The following PCDHA7 variants were observed in gnomAD, a reference collection of about 807,000 sequenced individuals.
The protein encoded by PCDHA7 is protocadherin alpha 7.
A neutral mutation model predicts 57.2 loss-of-function variants in PCDHA7; 37 were observed. The ratio of observed to expected loss-of-function variants is 0.65; its 90% CI spans 0.50 to 0.85. PCDHA7 has a LOEUF of 0.85. Ranked by LOEUF, PCDHA7 falls within the 40% of genes least tolerant of loss-of-function variation. The pLI is 0.00. For missense variants in PCDHA7, 1,188 were observed against 1,241.8 expected (o/e 0.96, Z 0.65); for synonymous variants, 553 against 558.8 (o/e 0.99, Z 0.15).
intron 1 of PCDHA7, chr5:140,883,326 C>T (rs374138267): frequency 3.1e-6 from 5 of 1,614,044 alleles, no homozygotes; most frequent in Admixed American, 1.7e-5. Flanking sequence ...GTTACCATCA[C>T]TTCTTTGTCA....
At position 140,885,285 on chromosome 5, in the gene PCDHA7, T is replaced by G. The variant is rs146462007; in HGVS notation, c.2355+48547T>G. On this transcript the variant is annotated intron_variant, in intron 1 of 3. Transcript: ENST00000525929. ...ACTCATACATATATATATACATATA[T>G]AGAGAGAGACCTGGTAGGCTTTTTG... 7.5e-4 allele frequency among the ~76,000 whole-genome samples: 114 copies of G among 152,298 alleles called. No individual in the cohort carries two copies. In the East Asian group the frequency reaches 9.8e-3, roughly 13 times the overall value.
At chr5:140,850,307 C>T (rs2150478733) in intron 1 of PCDHA7, 1 of 1,597,050 alleles carries the variant, frequency 6.3e-7, no homozygotes, top group Non-Finnish European at 8.6e-7. Flanking sequence ...CGGGCTACAA[C>T]GCGTGGCTTT....
intron 1 of PCDHA7, among the ~76,000 whole-genome samples, chr5:140,844,826 C>T (rs1554140734): frequency 6.7e-6 from 1 of 149,170 alleles, no homozygotes; most frequent in East Asian, 1.9e-4. Context: ...TGTCTTTTTA[C>T]ACGTTTGCTT....
chr5:140,916,579 T>C (rs1013124807), intron 1 of PCDHA7, among the ~76,000 whole-genome samples: 14 of 152,176 alleles, frequency 9.2e-5, no homozygotes, highest in Non-Finnish European at 1.6e-4. Context: ...AGAAATGTCA[T>C]CCATGAGCTA....
chr5:141,010,291 G>A lies in PCDHA7; in HGVS notation c.*354G>A. ...GGATCCTGTCTTGATGACACTTGCA[G>A]GGCAGGCTGAAAAGTTTTGAGATTG... On this transcript the variant is annotated 3_prime_UTR_variant, in exon 4 of 4. Coordinates refer to ENST00000525929, the MANE Select transcript of PCDHA7 (RefSeq NM_018910.3). 1.3e-6 allele frequency: 2 copies of A among 1,549,990 alleles called. No individual in the cohort carries two copies. The highest frequency in any genetic ancestry group is 1.2e-5 in the South Asian group (1 of 83,762).
At chr5:140,853,462 C>T (rs1386923717) in intron 1 of PCDHA7, 1 of 971,854 alleles carries the variant, frequency 1.0e-6, no homozygotes, top group African/African-American at 1.8e-5. Context: ...TCCTTATATG[C>T]ATCTGTAGTT....
At chr5:140,958,995 T>G (rs868959473) in intron 1 of PCDHA7, among the ~76,000 whole-genome samples, 1 of 152,148 alleles carries the variant, frequency 6.6e-6, no homozygotes, top group African/African-American at 2.4e-5. Flanking sequence ...TGCTAATCTT[T>G]TACTGTACCT....
At position 140,869,155 on chromosome 5, in the gene PCDHA7, C is replaced by G. The variant is rs74664704; in HGVS notation, c.2355+32417C>G. On this transcript the variant is annotated intron_variant, in intron 1 of 3. Transcript: ENST00000525929. The stretch of plus-strand genomic sequence containing the variant: ...GGGCACCCCACGACTACAGCTCTGG[C>G]TTCTCCTCCTCGAATTCTGGGAGGT... 3.7e-4 allele frequency: 593 copies of G among 1,613,808 alleles called. 1 individual carries two copies. In the African/African-American group the frequency reaches 7.1e-3, roughly 19 times the overall value.
At chr5:140,897,759 G>A (rs1238732675) in intron 1 of PCDHA7, among the ~76,000 whole-genome samples, 7 of 152,228 alleles carry the variant, frequency 4.6e-5, no homozygotes, top group South Asian at 2.1e-4. Flanking sequence ...CTGAGGAATC[G>A]CCACACTGAC....
chr5:140,951,413 C>T (rs1206149734), intron 1 of PCDHA7, among the ~76,000 whole-genome samples: 1 of 152,028 alleles, frequency 6.6e-6, no homozygotes, highest in African/African-American at 2.4e-5. Context: ...GTTTAATTGG[C>T]TCACAGTTCC....
chr5:140,965,238 A>G (rs540671197), intron 1 of PCDHA7, among the ~76,000 whole-genome samples: 3 of 152,196 alleles, frequency 2.0e-5, no homozygotes, highest in Non-Finnish European at 2.9e-5. Context: ...ACCTGGGAAG[A>G]GTGAATATTC....
intron 1 of PCDHA7, among the ~76,000 whole-genome samples, chr5:140,963,510 G>A (rs536524403): frequency 1.8e-4 from 28 of 152,328 alleles, no homozygotes; most frequent in Non-Finnish European, 2.8e-4. Flanking sequence ...TCTTGAAGGG[G>A]TTCTCATAAC....
chr5:140,875,803 G>C (rs370212231), intron 1 of PCDHA7: 17 of 1,614,218 alleles, frequency 1.1e-5, no homozygotes, highest in Non-Finnish European at 1.4e-5. Context: ...GGTGATCGTG[G>C]ACAGGCCGCT....
rs1238131938 is a variant in PCDHA7, at chr5:141,010,564, G to A, written c.*627G>A. Reference sequence around the variant, plus strand: ...GAGACAAAACTACCCCCACTGACAAGGCTTTAGGAGACCCTAAAGTCTGTT... The same window carrying A: ...GAGACAAAACTACCCCCACTGACAAAGCTTTAGGAGACCCTAAAGTCTGTT... On this transcript the variant is annotated 3_prime_UTR_variant, in exon 4 of 4. Coordinates refer to ENST00000525929, the MANE Select transcript of PCDHA7 (RefSeq NM_018910.3). 1 of 289,402 alleles carries A rather than the reference G, an allele frequency of 3.5e-6. No homozygotes were observed. Among genetic ancestry groups the A allele is most frequent in the Non-Finnish European group, 6.5e-6 (1 of 154,048 alleles). 17.9% of individuals were successfully genotyped at this position (289,402 alleles called of 1,614,324 possible).
intron 1 of PCDHA7, chr5:140,857,097 T>A: frequency 6.3e-7 from 1 of 1,597,284 alleles, no homozygotes; most frequent in South Asian, 1.1e-5. Context: ...CCTGAGGTGA[T>A]TGTCACTTCT....
Position 140,838,280 on chromosome 5 carries a change from AT to A in PCDHA7, c.2355+1557del, listed in dbSNP as rs2150286950. On this transcript the variant is annotated intron_variant, in intron 1 of 3. Transcript: ENST00000525929. ...AGACGCCAACAACCAAGCCATGCTAATTTTTTTTTTTTTTTGTATTTTTAGT... is the reference window on the plus strand; with the variant it reads ...AGACGCCAACAACCAAGCCATGCTAATTTTTTTTTTTTTTGTATTTTTAGT... 8.7e-4 allele frequency among the ~76,000 whole-genome samples: 122 copies of A among 139,548 alleles called. 1 individual carries two copies. The highest frequency in any genetic ancestry group is 4.8e-3 in the South Asian group (21 of 4,398). The allele number at this position is 139,548 out of a possible 152,430, so 91.5% of individuals were successfully genotyped here. A position where few individuals can be genotyped will look rare whatever the true frequency, so the allele number is the denominator to read the frequency against.
intron 1 of PCDHA7, chr5:140,858,722 C>T: frequency 2.0e-6 from 1 of 497,160 alleles, no homozygotes. Context: ...GGTTGCAGTT[C>T]TGACGATTTA....
intron 1 of PCDHA7, chr5:140,856,494 C>A: frequency 6.3e-7 from 1 of 1,598,382 alleles, no homozygotes; most frequent in Non-Finnish European, 8.6e-7. Flanking sequence ...CTGCTTGACT[C>A]TCGATTTCCA....
At chr5:140,877,995 T>A in intron 1 of PCDHA7, 1 of 1,054,404 alleles carries the variant, frequency 9.5e-7, no homozygotes. Context: ...AACTTTTATG[T>A]ATTTGTCTAA....
Sources: gnomAD v4.1 joint callset for allele counts (sites outside exome capture counted in the v4.1 genomes callset) on GRCh38, gnomAD v4.1.1 for gene constraint, MANE v1.5 for transcripts, NCBI Gene and HGNC (gene_info 2026-07-23, HGNC 2026-07-21) for gene names.